The following NUP42 variants were observed in gnomAD, a reference collection of about 807,000 sequenced individuals.
NUP42 encodes nucleoporin 42.
In NUP42, 47 loss-of-function variants were observed where a neutral mutation model predicts 35.9. The ratio of observed to expected loss-of-function variants is 1.31; its 90% CI spans 1.04 to 1.67. The LOEUF (loss-of-function observed/expected upper bound fraction) is 1.67. Ranked by LOEUF, NUP42 falls within the 40% of genes most tolerant of loss-of-function variation. The pLI, the probability that NUP42 is intolerant of heterozygous loss-of-function variation, is 0.00. For synonymous variants in NUP42, 173 were observed against 173.3 expected (o/e 1.00, Z 0.01); for missense variants, 514 against 492.2 (o/e 1.04, Z -0.42).
intron 3 of NUP42, among the ~76,000 whole-genome samples, chr7:23,191,707 C>A (rs1284396056): frequency 6.6e-6 from 1 of 152,114 alleles, no homozygotes; most frequent in Non-Finnish European, 1.5e-5. Flanking sequence ...GCTTTTGGGC[C>A]AGATGTGGTG....
rs367957893 is a variant in NUP42 at position 23,187,027 on chromosome 7, CTTT to C, written c.351-14_351-12del. 5.7e-5 allele frequency: 66 copies of C among 1,167,986 alleles called. No homozygotes were observed. The highest frequency in any genetic ancestry group is 5.9e-5 in the Non-Finnish European group (50 of 844,410). 72.4% of individuals were successfully genotyped at this position (1,167,986 alleles called of 1,614,324 possible). On this transcript the variant is annotated intron_variant, in intron 2 of 6. Coordinates refer to ENST00000258742, the MANE Select transcript of NUP42 (RefSeq NM_007342.3). Reference sequence around the variant, plus strand: ...CAAGCAGCTAAGAAGATCCTTTACTCTTTTTTTTTTTTTCTTTTTTGCAGGGAA... The same window carrying C: ...CAAGCAGCTAAGAAGATCCTTTACTCTTTTTTTTTTCTTTTTTGCAGGGAA...
At chr7:23,197,850 A>AG in intron 5 of NUP42, among the ~76,000 whole-genome samples, 1 of 152,182 alleles carries the variant, frequency 6.6e-6, no homozygotes, top group African/African-American at 2.4e-5. Context: ...AAAAAAAAAA[A>AG]TAGTGTAGAC....
intron 1 of NUP42, among the ~76,000 whole-genome samples, chr7:23,183,645 C>CAT (rs1399092068): frequency 6.6e-6 from 1 of 150,376 alleles, no homozygotes; most frequent in African/African-American, 2.4e-5. Context: ...AATTAGGACT[C>CAT]ATGTCTGATG....
rs962542970 is a variant in NUP42 at position 23,200,494 on chromosome 7, T to C, written c.1021T>C (p.Ser341Pro). The change falls in exon 7 of 7, where the codon TCT (serine) becomes CCT (proline). Residue 341 changes from serine (S) to proline (P), a missense_variant. Ser to Pro is a moderately conservative substitution (Grantham distance 74). Coordinates refer to ENST00000258742, the MANE Select transcript of NUP42 (RefSeq NM_007342.3). ...PVAPAFGGGS[S>P]VAGFGSPGSH... ...GGCCCCAGCCTTTGGAGGTGGCAGT[T>C]CTGTGGCTGGTTTTGGTAGTCCGGG... The C allele has an allele frequency of 6.2e-7, 1 of 1,614,024 alleles. No individual in the cohort carries two copies. The highest frequency in any genetic ancestry group is 8.5e-7 in the Non-Finnish European group (1 of 1,179,974).
chr7:23,193,607 C>A (rs934027035), intron 3 of NUP42, among the ~76,000 whole-genome samples: 1 of 152,200 alleles, frequency 6.6e-6, no homozygotes, highest in African/African-American at 2.4e-5. Context: ...ATTTACAATC[C>A]CCTAGCTAGA....
chr7:23,192,210 T>A (rs900320558), intron 3 of NUP42, among the ~76,000 whole-genome samples: 27 of 152,184 alleles, frequency 1.8e-4, no homozygotes, highest in African/African-American at 6.3e-4. Context: ...CCCAAAAGCT[T>A]AACTACTAAT....
rs915455883 is a variant in NUP42 at position 23,188,015 on chromosome 7, T to A, written c.445+869T>A. On this transcript the variant is annotated intron_variant, in intron 3 of 6. Coordinates refer to ENST00000258742, the MANE Select transcript of NUP42 (RefSeq NM_007342.3). ...CTCTTTTTTTATTTTTTATTTTTAT[T>A]TTTTTTTTTGTCCATAGTCCCTAAG... 1.1e-5 allele frequency: 12 copies of A among 1,091,874 alleles called. No homozygotes were observed. The African/African-American group carries it at 1.7e-4, about 15-fold the overall frequency. 67.6% of individuals were successfully genotyped at this position (1,091,874 alleles called of 1,614,324 possible).
intron 3 of NUP42, chr7:23,188,475 T>C (rs1249041108): frequency 1.0e-6 from 1 of 985,350 alleles, no homozygotes; most frequent in Admixed American, 6.1e-5. Flanking sequence ...TACTTGAGTA[T>C]TAATCCATTC....
At chr7:23,193,390 T>C (rs1017933386) in intron 3 of NUP42, among the ~76,000 whole-genome samples, 4 of 152,122 alleles carry the variant, frequency 2.6e-5, no homozygotes, top group Non-Finnish European at 5.9e-5. Context: ...GATTGGTGCG[T>C]TTACAATCCC....
intron 3 of NUP42, among the ~76,000 whole-genome samples, chr7:23,193,140 T>C (rs1189793870): frequency 1.3e-5 from 2 of 152,026 alleles, no homozygotes; most frequent in African/African-American, 2.4e-5. Context: ...GGAGTGAGGC[T>C]GAAGACCTTC....
In NUP42 at chr7:23,185,122, C is replaced by T; in HGVS notation, c.174C>T (p.Ile58=). The change falls in exon 2 of 7, where the codon ATC becomes ATT. Residue 58 remains isoleucine (I), a synonymous_variant. Transcript: ENST00000258742. ...CTAGCCAGAGATATTCCAATGTCAT[C>T]CAGCCATCCAGTTTCTCCAAATCCA... The part of the protein sequence containing the change: ...NTTSQRYSNV[I]QPSSFSKSTP... 2 of 1,614,140 alleles carry T rather than the reference C, an allele frequency of 1.2e-6. No individual in the cohort carries two copies. Among genetic ancestry groups the T allele is most frequent in the Non-Finnish European group, 1.7e-6 (2 of 1,180,028 alleles).
rs371584567 is a variant in NUP42, at chr7:23,182,213, C to T, written c.121+7C>T. On this transcript the variant is annotated splice_region_variant and intron_variant, in intron 1 of 6. Coordinates refer to ENST00000258742, the MANE Select transcript of NUP42 (RefSeq NM_007342.3). ...CCGCAGCAGCAGCCTTCAGGTGACT[C>T]TCCTCTGAATCCTCCGCGGTAACCG... is the stretch of plus-strand genomic sequence containing the variant. 4.4e-6 allele frequency: 7 copies of T among 1,603,394 alleles called. No individual in the cohort carries two copies. The Admixed American group carries it at 1.2e-4, about 27-fold the overall frequency.
At chr7:23,200,102 A>G in intron 6 of NUP42, 66 bp from the exon 7 acceptor site, 2 of 1,132,874 alleles carry the variant, frequency 1.8e-6, no homozygotes, top group Non-Finnish European at 2.5e-6. Flanking sequence ...GGGAGGAAAT[A>G]ATTGTGACAT....
chr7:23,182,616 C>A, intron 1 of NUP42: 5 of 661,798 alleles, frequency 7.6e-6, no homozygotes, highest in Non-Finnish European at 9.5e-6. Context: ...TCTAATAAAA[C>A]CGGCCGGGCG....
At chr7:23,196,880 TACAC>T (rs1786030917) in intron 5 of NUP42, 114 bp downstream of exon 5, 2 of 700,496 alleles carry the variant, frequency 2.9e-6, no homozygotes, top group South Asian at 3.3e-5. Context: ...AGAATTATGA[TACAC>T]ACATTCCCAA....
rs1583775196 is a variant in NUP42 at position 23,195,325 on chromosome 7, T to C, written c.446-514T>C. The C allele has an allele frequency of 2.6e-5, 4 of 152,504 alleles. No homozygotes were observed. The Middle Eastern group carries it at 0.014, about 519-fold the overall frequency. The allele number at this position is 152,504 out of a possible 1,614,324, so 9.4% of individuals were successfully genotyped here. A position where few individuals can be genotyped will look rare whatever the true frequency, so the allele number is the denominator to read the frequency against. On this transcript the variant is annotated intron_variant, in intron 3 of 6. Transcript: ENST00000258742. ...CATTTTATCTCTATTTTAAGTTGCA[T>C]TTAACTTTATTTCATTTATTTACTA...
chr7:23,197,125 G>A lies in NUP42; in HGVS notation c.609+359G>A, dbSNP rs1010941498. On this transcript the variant is annotated intron_variant, in intron 5 of 6. Transcript: ENST00000258742. ...TATGAATGCACATTTAGAATGTAAT[G>A]TATCGTTTTGCGACTGAAGAACACA... is the stretch of plus-strand genomic sequence containing the variant. 7 of 864,988 alleles carry A rather than the reference G, an allele frequency of 8.1e-6. No homozygotes were observed. In the East Asian group the frequency reaches 3.7e-4, roughly 46 times the overall value. The allele number at this position is 864,988 out of a possible 1,614,324, so 53.6% of individuals were successfully genotyped here.
Position 23,200,357 on chromosome 7 carries a change from T to A in NUP42, c.884T>A (p.Val295Asp). Reference protein sequence around the residue: ...APAFGFGKPEVTSAASFSFKS... With the variant: ...APAFGFGKPEDTSAASFSFKS... ...GCTTTTGGATTTGGGAAGCCTGAAG[T>A]CACATCGGCTGCATCATTTTCATTC... The change falls in exon 7 of 7, where the codon GTC becomes GAC. Residue 295 changes from valine to aspartate, a missense_variant. Physicochemically the swap from Val to Asp is radical, Grantham distance 152. Transcript: ENST00000258742. 6.2e-7 allele frequency: 1 copy of A among 1,613,154 alleles called. No individual in the cohort carries two copies.
At chr7:23,188,569 G>A (rs1346464736) in intron 3 of NUP42, 2 of 976,580 alleles carry the variant, frequency 2.0e-6, no homozygotes, top group African/African-American at 3.5e-5. Flanking sequence ...TAAAATATGG[G>A]ACATCCGGTT....
Sources: allele counts gnomAD v4.1 joint callset (sites outside exome capture counted in the v4.1 genomes callset), GRCh38; gene constraint gnomAD v4.1.1; transcripts MANE v1.5; gene names NCBI Gene and HGNC (gene_info 2026-07-23, HGNC 2026-07-21).